The following UBL3 variants were observed in gnomAD, a reference collection of about 807,000 sequenced individuals.
The protein encoded by UBL3 is ubiquitin like 3.
A neutral mutation model predicts 18.4 loss-of-function variants in UBL3; 6 were observed. The ratio of observed to expected loss-of-function variants is 0.33; its 90% confidence interval spans 0.18 to 0.64. The LOEUF (loss-of-function observed/expected upper bound fraction) is 0.64. Among genes scored for constraint, UBL3 ranks in the 30% least tolerant of loss-of-function variants. UBL3 has a pLI of 0.76. For synonymous variants in UBL3, 49 were observed against 46.6 expected (o/e 1.05, Z -0.21); for missense variants, 109 against 142.9 (o/e 0.76, Z 1.21).
chr13:29,849,871 G>A lies in UBL3; in HGVS notation c.-333C>T, dbSNP rs1226176963. On this transcript the variant is annotated 5_prime_UTR_variant, in exon 1 of 5. Transcript: ENST00000380680. ...GAGCCGAGTGACACACGGACATGGA[G>A]AGGGGTGGGAGGGGGTTAAATGCGC... 5 of 476,920 alleles carry A rather than the reference G, an allele frequency of 1.0e-5. No individual in the cohort carries two copies. The highest frequency in any genetic ancestry group is 3.5e-5 in the Admixed American group (1 of 28,524). The allele number at this position is 476,920 out of a possible 1,614,324, so 29.5% of individuals were successfully genotyped here.
chr13:29,837,909 C>CT (rs1159532669), intron 1 of UBL3, among the ~76,000 whole-genome samples: 1 of 94,486 alleles, frequency 1.1e-5, no homozygotes, highest in Non-Finnish European at 2.2e-5. Context: ...CAGCAAGACT[C>CT]TGTCTCAATA....
At chr13:29,779,166 T>C (rs1368165272) in intron 1 of UBL3, 13 of 478,434 alleles carry the variant, frequency 2.7e-5, no homozygotes, top group Non-Finnish European at 4.1e-5. Context: ...TTATTTCCTA[T>C]AGCAAATCAG....
At chr13:29,839,558 G>A (rs1409095208) in intron 1 of UBL3, among the ~76,000 whole-genome samples, 1 of 152,172 alleles carries the variant, frequency 6.6e-6, no homozygotes, top group Non-Finnish European at 1.5e-5. Flanking sequence ...GGAGGCTAAG[G>A]AGGAAGGAGC....
chr13:29,790,781 G>C (rs571880143), intron 1 of UBL3, among the ~76,000 whole-genome samples: 4 of 151,732 alleles, frequency 2.6e-5, no homozygotes, highest in Non-Finnish European at 5.9e-5. Context: ...AACATCCTTC[G>C]GGAAGACTAT....
At chr13:29,780,088 C>T (rs978718521) in intron 1 of UBL3, among the ~76,000 whole-genome samples, 1 of 151,968 alleles carries the variant, frequency 6.6e-6, no homozygotes. Context: ...GGCGCGGTGG[C>T]TCACGCCTGT....
At chr13:29,838,103 A>C (rs567752593) in intron 1 of UBL3, among the ~76,000 whole-genome samples, 1 of 152,070 alleles carries the variant, frequency 6.6e-6, no homozygotes, top group East Asian at 1.9e-4. Flanking sequence ...ATAATCTTTA[A>C]AACAGCCAAA....
chr13:29,782,141 C>T (rs543929774), intron 1 of UBL3, among the ~76,000 whole-genome samples: 4 of 152,200 alleles, frequency 2.6e-5, no homozygotes, highest in Non-Finnish European at 4.4e-5. Context: ...ATTCATTGAA[C>T]CTAAGACCTT....
At chr13:29,767,369 T>A in intron 4 of UBL3, 62 bp from the exon 5 acceptor site, 1 of 1,592,890 alleles carries the variant, frequency 6.3e-7, no homozygotes, top group East Asian at 2.2e-5. Flanking sequence ...GAAAATGGGC[T>A]AGGCAATCAA....
chr13:29,849,362 GA>G, intron 1 of UBL3, 149 bp downstream of exon 1: 1 of 992,998 alleles, frequency 1.0e-6, no homozygotes, highest in South Asian at 1.5e-5. Context: ...CTAAAAGGGG[GA>G]AACCAGAAGC....
intron 1 of UBL3, among the ~76,000 whole-genome samples, chr13:29,780,686 G>A (rs1442649217): frequency 6.6e-6 from 1 of 151,828 alleles, no homozygotes; most frequent in Non-Finnish European, 1.5e-5. Context: ...TTGAGAAAAG[G>A]TATAACTAAG....
chr13:29,827,819 T>C (rs1209304506), intron 1 of UBL3, among the ~76,000 whole-genome samples: 1 of 152,214 alleles, frequency 6.6e-6, no homozygotes, highest in Non-Finnish European at 1.5e-5. Flanking sequence ...GGCTGGTACC[T>C]GTTGTTGCTT....
chr13:29,780,171 A>G (rs150230781), intron 1 of UBL3, among the ~76,000 whole-genome samples: 1,606 of 151,334 alleles, frequency 0.011, 22 homozygotes, highest in Non-Finnish European at 0.017. Flanking sequence ...TGGCTAACAC[A>G]GTGAAACCCC....
intron 1 of UBL3, among the ~76,000 whole-genome samples, chr13:29,834,838 A>G (rs1878876767): frequency 1.3e-5 from 2 of 151,702 alleles, no homozygotes; most frequent in South Asian, 4.1e-4. Context: ...GGCTTCAGGA[A>G]AATAATCAAA....
chr13:29,810,962 T>C (rs536629941), intron 1 of UBL3, among the ~76,000 whole-genome samples: 2 of 152,248 alleles, frequency 1.3e-5, no homozygotes, highest in East Asian at 3.9e-4. Context: ...TTACTAGCTA[T>C]GTATAGACCC....
chr13:29,769,366 T>C (rs1876776435), intron 3 of UBL3, among the ~76,000 whole-genome samples: 1 of 152,088 alleles, frequency 6.6e-6, no homozygotes, highest in Non-Finnish European at 1.5e-5. Context: ...GTTAATAACA[T>C]TTAAAAATGT....
intron 1 of UBL3, among the ~76,000 whole-genome samples, chr13:29,797,863 GATT>G (rs1877655411): frequency 6.6e-6 from 1 of 152,046 alleles, no homozygotes; most frequent in Admixed American, 6.6e-5. Context: ...AATCCATGAG[GATT>G]ACTTAAATAT....
intron 1 of UBL3, among the ~76,000 whole-genome samples, chr13:29,839,576 C>T (rs576474265): frequency 1.8e-4 from 28 of 152,214 alleles, no homozygotes; most frequent in East Asian, 1.2e-3. Flanking sequence ...AGCAGTTGAA[C>T]GCAGGAGTTC....
At chr13:29,792,236 A>T (rs1349081933) in intron 1 of UBL3, among the ~76,000 whole-genome samples, 4 of 152,212 alleles carry the variant, frequency 2.6e-5, no homozygotes, top group Non-Finnish European at 5.9e-5. Context: ...CTTCGTGTAT[A>T]ACCACCAAGT....
chr13:29,802,715 G>A (rs1389702806), intron 1 of UBL3, among the ~76,000 whole-genome samples: 2 of 152,172 alleles, frequency 1.3e-5, no homozygotes, highest in African/African-American at 4.8e-5. Flanking sequence ...CTCAAAGCCT[G>A]AGGACTGGTT....
Sources: gnomAD v4.1 joint callset for allele counts (sites outside exome capture counted in the v4.1 genomes callset) on GRCh38, gnomAD v4.1.1 for gene constraint, MANE v1.5 for transcripts, NCBI Gene and HGNC (gene_info 2026-07-23, HGNC 2026-07-21) for gene names.